The following SLC12A2 variants were observed in gnomAD, a reference collection of about 807,000 sequenced individuals.
SLC12A2 encodes the protein Na-K-2Cl cotransporter 1.
SLC12A2 carries 67 observed loss-of-function variants against 136.3 expected under a neutral mutation model. That is an observed-to-expected ratio of 0.49 (90% CI 0.40 to 0.60). The LOEUF is 0.60. SLC12A2 is among the 20% of genes least tolerant of loss of function. The probability of loss-of-function intolerance (pLI) is 0.00; values close to 1 mark genes in which losing one functional copy is unlikely to be tolerated. For missense variants in SLC12A2, 1,322 were observed against 1,534.7 expected, an observed-to-expected ratio of 0.86 and a Z score of 2.32; for synonymous variants, 619 against 562.9, an observed-to-expected ratio of 1.10 and a Z score of -1.41.
chr5:128,086,950 C>T (rs564549127), intron 1 of SLC12A2, among the ~76,000 whole-genome samples: 40 of 152,202 alleles, frequency 2.6e-4, no homozygotes, highest in East Asian at 1.2e-3. Flanking sequence ...TTCTAGCAGT[C>T]GATTGATTGG....
chr5:128,116,850 C>T lies in SLC12A2; in HGVS notation c.1048+2169C>T, dbSNP rs542416630. ...AGATTCTTTTAGTGAATGTAAGCCCCTTCTGTCTCCTCTGTATCTGACTCA... is the reference window on the plus strand; with the variant it reads ...AGATTCTTTTAGTGAATGTAAGCCCTTTCTGTCTCCTCTGTATCTGACTCA... On this transcript the variant is annotated intron_variant, in intron 4 of 26. Transcript: ENST00000262461. Among the ~76,000 whole-genome samples the T allele has an allele frequency of 2.2e-3, 330 of 152,202 alleles. 3 individuals carry two copies. The highest frequency in any genetic ancestry group is 7.5e-3 in the African/African-American group (310 of 41,524).
chr5:128,174,492 C>G, intron 19 of SLC12A2, 49 bp from the exon 20 acceptor site: 2 of 1,384,102 alleles, frequency 1.4e-6, no homozygotes, highest in South Asian at 2.6e-5. Flanking sequence ...CCTTATTTAA[C>G]AGTTAAAATA....
At chr5:128,126,961 T>TA (rs1761821759) in intron 4 of SLC12A2, among the ~76,000 whole-genome samples, 1 of 45,218 alleles carries the variant, frequency 2.2e-5, no homozygotes, top group Non-Finnish European at 4.0e-5. Context: ...TATATATATA[T>TA]ATATATTTTT....
intron 1 of SLC12A2, among the ~76,000 whole-genome samples, chr5:128,085,680 G>C (rs1270546673): frequency 1.3e-5 from 2 of 152,224 alleles, no homozygotes; most frequent in Non-Finnish European, 2.9e-5. Context: ...GTGAACGCAA[G>C]AGGATGGTAC....
intron 7 of SLC12A2, among the ~76,000 whole-genome samples, chr5:128,137,406 G>A (rs1267689993): frequency 2.0e-5 from 3 of 152,068 alleles, no homozygotes; most frequent in African/African-American, 2.4e-5. Context: ...CTTAGCTTAA[G>A]TATTGTCTCC....
chr5:128,136,774 CTAT>C (rs1762204994), intron 7 of SLC12A2, among the ~76,000 whole-genome samples: 1 of 152,132 alleles, frequency 6.6e-6, no homozygotes, highest in East Asian at 1.9e-4. Flanking sequence ...GACCTTCTAA[CTAT>C]ACACTCTCCC....
intron 7 of SLC12A2, among the ~76,000 whole-genome samples, chr5:128,137,105 A>C (rs1013221104): frequency 6.6e-6 from 1 of 152,114 alleles, no homozygotes; most frequent in Non-Finnish European, 1.5e-5. Context: ...CTTTCAGTCC[A>C]TTGTCCACAC....
intron 4 of SLC12A2, among the ~76,000 whole-genome samples, chr5:128,121,183 GTAA>G (rs1761561523): frequency 6.6e-6 from 1 of 152,170 alleles, no homozygotes. Flanking sequence ...GTAAACAAAT[GTAA>G]TAATGTCCAA....
chr5:128,134,120 A>C (rs1762110590), intron 5 of SLC12A2, 45 bp from the exon 6 acceptor site: 1 of 1,023,990 alleles, frequency 9.8e-7, no homozygotes, highest in Non-Finnish European at 1.5e-6. Flanking sequence ...AATGTGTATA[A>C]AAATAACTAG....
chr5:128,175,003 C>T (rs1194612192), intron 20 of SLC12A2, among the ~76,000 whole-genome samples: 1 of 152,028 alleles, frequency 6.6e-6, no homozygotes, highest in African/African-American at 2.4e-5. Context: ...AAGTAACAAA[C>T]TCATGACTTT....
intron 1 of SLC12A2, among the ~76,000 whole-genome samples, chr5:128,101,133 T>C (rs1232589425): frequency 6.6e-6 from 1 of 152,138 alleles, no homozygotes; most frequent in Non-Finnish European, 1.5e-5. Flanking sequence ...TACTTTGTTT[T>C]GAAAGAGTAG....
rs1763929264 is a variant in SLC12A2 at position 128,188,288 on chromosome 5, CCTTT to C, written c.*1658_*1661del. The stretch of plus-strand genomic sequence containing the variant: ...AAAATTTATGCAGGTTTTCACGAAT[CCTTT>C]TTTTTTTTTTTTTTTTTTTTTGAGA... On this transcript the variant is annotated 3_prime_UTR_variant, in exon 27 of 27. Transcript: ENST00000262461. 3 of 128,016 alleles carry C rather than the reference CCTTT, an allele frequency of 2.3e-5. No individual in the cohort carries two copies. Among genetic ancestry groups the C allele is most frequent in the Non-Finnish European group, 4.8e-5 (3 of 62,986 alleles). 7.9% of individuals were successfully genotyped at this position (128,016 alleles called of 1,614,324 possible).
intron 4 of SLC12A2, among the ~76,000 whole-genome samples, chr5:128,122,364 A>C (rs941529956): frequency 6.6e-6 from 1 of 152,200 alleles, no homozygotes; most frequent in Non-Finnish European, 1.5e-5. Flanking sequence ...ATGCTATGTT[A>C]TTGGAGTTTA....
At chr5:128,122,448 A>C (rs1449183052) in intron 4 of SLC12A2, among the ~76,000 whole-genome samples, 1 of 152,206 alleles carries the variant, frequency 6.6e-6, no homozygotes, top group Non-Finnish European at 1.5e-5. Context: ...GTTGACATAC[A>C]TTATCTTATG....
chr5:128,176,900 T>C (rs1763558104), intron 20 of SLC12A2, among the ~76,000 whole-genome samples: 1 of 152,064 alleles, frequency 6.6e-6, no homozygotes, highest in Non-Finnish European at 1.5e-5. Flanking sequence ...TTAGTCATCC[T>C]GTAGGGGAGG....
At chr5:128,109,751 G>C in intron 1 of SLC12A2, 2 of 971,642 alleles carry the variant, frequency 2.1e-6, no homozygotes, top group Non-Finnish European at 3.4e-6. Context: ...CCAGGTTTTA[G>C]ACTAAAAGGA....
At chr5:128,163,311 C>G (rs1245791991) in intron 17 of SLC12A2, among the ~76,000 whole-genome samples, 1 of 152,038 alleles carries the variant, frequency 6.6e-6, no homozygotes, top group Admixed American at 6.6e-5. Flanking sequence ...GGTGGATCAC[C>G]TGAGGTCAGG....
chr5:128,131,960 G>T (rs867965957), intron 5 of SLC12A2, among the ~76,000 whole-genome samples: 1 of 152,170 alleles, frequency 6.6e-6, no homozygotes, highest in Non-Finnish European at 1.5e-5. Flanking sequence ...AGCCGAGATC[G>T]CGCCTTTGCT....
intron 16 of SLC12A2, among the ~76,000 whole-genome samples, chr5:128,160,148 A>C (rs1051906058): frequency 3.9e-5 from 6 of 152,148 alleles, no homozygotes; most frequent in African/African-American, 1.4e-4. Context: ...ACAGAAAACC[A>C]AATACTGTAT....
Sources: allele counts gnomAD v4.1 joint callset (sites outside exome capture counted in the v4.1 genomes callset), GRCh38; gene constraint gnomAD v4.1.1; transcripts MANE v1.5; gene names NCBI Gene and HGNC (gene_info 2026-07-23, HGNC 2026-07-21).